LRP2: variants seen among roughly 807,000 people sequenced by gnomAD.
The protein encoded by LRP2 is LDL receptor related protein 2, also known as low-density lipoprotein receptor-related protein 2.
LRP2 carries 172 observed loss-of-function variants against 531.0 expected under a neutral mutation model. That is an observed-to-expected ratio of 0.32 (90% CI 0.29 to 0.37). The LOEUF (loss-of-function observed/expected upper bound fraction) is 0.37, where lower values mean the gene tolerates loss of function less well. Among genes scored for constraint, LRP2 ranks in the 10% least tolerant of loss-of-function variants. The probability of loss-of-function intolerance (pLI) is 1.00; values close to 1 mark genes in which losing one functional copy is unlikely to be tolerated. For missense variants in LRP2, 5,167 were observed against 5,868.3 expected, an observed-to-expected ratio of 0.88 and a Z score of 3.90; for synonymous variants, 1,992 against 2,027.6, an observed-to-expected ratio of 0.98 and a Z score of 0.47.
In LRP2 at chr2:169,183,077, G is replaced by A. The variant is rs113669018; in HGVS notation, c.9846-758C>T. Among the ~76,000 whole-genome samples, 882 of 152,298 alleles carry A rather than the reference G, an allele frequency of 5.8e-3. 7 individuals carry two copies. Among genetic ancestry groups the A allele is most frequent in the African/African-American group, 0.02 (843 of 41,574 alleles). The stretch of plus-strand genomic sequence containing the variant: ...CCAGGGCTTTCACCAGAGTCTTATA[G>A]CATCCATAACCTTCCAAAGGGTTAA... On this transcript the variant is annotated intron_variant, in intron 50 of 78. Transcript: ENST00000649046.
chr2:169,259,146 G>T lies in LRP2; in HGVS notation c.2392C>A (p.Leu798Ile). 6.2e-7 allele frequency: 1 copy of T among 1,613,316 alleles called. No homozygotes were observed. Among genetic ancestry groups the T allele is most frequent in the Non-Finnish European group, 8.5e-7 (1 of 1,179,532 alleles). Reference protein sequence around the residue: ...SLAFDWISKNLYWTDSHYKSI... With the variant: ...SLAFDWISKNIYWTDSHYKSI... ...TTGTAATGAGAGTCTGTCCAATAGAGATTCTTTGAAATCCAATCAAAAGCC... is the reference window on the plus strand; with the variant it reads ...TTGTAATGAGAGTCTGTCCAATAGATATTCTTTGAAATCCAATCAAAAGCC... The change falls in exon 17 of 79, where the codon CTC becomes ATC. Residue 798 changes from leucine to isoleucine, a missense_variant. Leu to Ile is a conservative substitution (Grantham distance 5). Transcript: ENST00000649046.
intron 12 of LRP2, among the ~76,000 whole-genome samples, chr2:169,278,362 T>C (rs1030211433): frequency 6.6e-6 from 1 of 151,962 alleles, no homozygotes; most frequent in African/African-American, 2.4e-5. Flanking sequence ...CACTTGCCCA[T>C]AGTCTCAGCT....
At chr2:169,283,354 G>T (rs1297529723) in intron 9 of LRP2, among the ~76,000 whole-genome samples, 1 of 152,142 alleles carries the variant, frequency 6.6e-6, no homozygotes, top group African/African-American at 2.4e-5. Flanking sequence ...CAACATGGCA[G>T]CCACTAACCC....
chr2:169,333,914 G>T (rs1450180727), intron 1 of LRP2, among the ~76,000 whole-genome samples: 1 of 152,158 alleles, frequency 6.6e-6, no homozygotes, highest in Non-Finnish European at 1.5e-5. Flanking sequence ...ATCACTTCAC[G>T]TTATAATGTG....
chr2:169,327,458 G>A (rs1255759951), intron 1 of LRP2, among the ~76,000 whole-genome samples: 4 of 121,718 alleles, frequency 3.3e-5, no homozygotes, highest in Non-Finnish European at 7.0e-5. Context: ...CACCCCGCCC[G>A]GCCAGCCGCC....
At chr2:169,313,296 A>C in intron 3 of LRP2, among the ~76,000 whole-genome samples, 1 of 152,150 alleles carries the variant, frequency 6.6e-6, no homozygotes, top group East Asian at 1.9e-4. Context: ...TCTGATTTTT[A>C]GAATTTTCAG....
At chr2:169,156,602 AG>A (rs1223014465) in intron 64 of LRP2, among the ~76,000 whole-genome samples, 197 bp from the exon 65 acceptor site, 4 of 152,212 alleles carry the variant, frequency 2.6e-5, no homozygotes, top group African/African-American at 9.6e-5. Context: ...TTCCTCGTTT[AG>A]TCTTGCCAAA....
chr2:169,166,511 T>TA (rs1686790250), intron 61 of LRP2, among the ~76,000 whole-genome samples: 1 of 152,208 alleles, frequency 6.6e-6, no homozygotes, highest in Non-Finnish European at 1.5e-5. Context: ...CTGGACAGAC[T>TA]GGCAGTACAT....
Position 169,209,586 on chromosome 2 carries a change from A to G in LRP2, c.6336T>C (p.Cys2112=), listed in dbSNP as rs2105337190. The change falls in exon 38 of 79, where the codon TGT becomes TGC. Residue 2112 remains cysteine, a synonymous_variant. Transcript: ENST00000649046. ...VDVSSGFIYW[C]DFSSSVASDN... ...CAGATGCCACTGAGCTGCTAAAATCACACCAATAAATAAAGCCAGAGGACA... is the reference window on the plus strand; with the variant it reads ...CAGATGCCACTGAGCTGCTAAAATCGCACCAATAAATAAAGCCAGAGGACA... 6.2e-7 allele frequency: 1 copy of G among 1,614,112 alleles called. No individual in the cohort carries two copies. Among genetic ancestry groups the G allele is most frequent in the Non-Finnish European group, 8.5e-7 (1 of 1,179,996 alleles).
chr2:169,332,800 T>A (rs1685301645), intron 1 of LRP2, among the ~76,000 whole-genome samples: 1 of 152,180 alleles, frequency 6.6e-6, no homozygotes, highest in African/African-American at 2.4e-5. Flanking sequence ...TGCTTCAACA[T>A]CAATAAGCAA....
At chr2:169,308,665 T>C (rs564235902) in intron 3 of LRP2, among the ~76,000 whole-genome samples, 1 of 152,330 alleles carries the variant, frequency 6.6e-6, no homozygotes, top group African/African-American at 2.4e-5. Context: ...CTATTGTGAA[T>C]AGTGCCACAA....
At position 169,231,800 on chromosome 2, in the gene LRP2, A is replaced by G. The variant is rs1449498059; in HGVS notation, c.5141T>C (p.Leu1714Pro). 6.2e-7 allele frequency: 1 copy of G among 1,614,126 alleles called. No individual in the cohort carries two copies. The highest frequency in any genetic ancestry group is 1.7e-5 in the Admixed American group (1 of 60,018). The change falls in exon 31 of 79, where the codon CTG (leucine) becomes CCG (proline). Residue 1714 changes from leucine to proline, a missense_variant. By Grantham distance (98) the Leu-to-Pro change is moderately conservative (BLOSUM62 -3). Around this residue, in one of 6 missense-constraint regions of LRP2, gnomAD observed 2,811 missense variants for 3,058.0 expected, o/e 0.92. Coordinates refer to ENST00000649046, the MANE Select transcript of LRP2 (RefSeq NM_004525.3). ...CAFSRCSHLC[L>P]LSSQGPHFYS... ...AAAATGAGGCCCCTGTGAGGAAAGC[A>G]GGCAGAGATGGCTGCAGCGGGAAAA...
At chr2:169,132,329 CTT>C (rs1251200793) in intron 77 of LRP2, among the ~76,000 whole-genome samples, 1 of 152,166 alleles carries the variant, frequency 6.6e-6, no homozygotes, top group Non-Finnish European at 1.5e-5. Flanking sequence ...ATTTGTTCTT[CTT>C]TGTGACATGT....
At chr2:169,157,606 G>A in intron 63 of LRP2, 104 bp from the exon 64 acceptor site, 1 of 1,284,298 alleles carries the variant, frequency 7.8e-7, no homozygotes, top group Non-Finnish European at 1.1e-6. Context: ...AGGACATCTT[G>A]AGATAACCCC....
intron 3 of LRP2, among the ~76,000 whole-genome samples, chr2:169,308,513 G>A (rs138652720): frequency 0.016 from 2,419 of 152,226 alleles, 16 homozygotes; most frequent in South Asian, 0.027. Flanking sequence ...CAGAATGATC[G>A]TTTCCAGCTT....
At chr2:169,183,386 A>G (rs868673064) in intron 50 of LRP2, among the ~76,000 whole-genome samples, 1 of 152,236 alleles carries the variant, frequency 6.6e-6, no homozygotes, top group Non-Finnish European at 1.5e-5. Flanking sequence ...GGATTCCATC[A>G]TGGTAGACAC....
intron 1 of LRP2, among the ~76,000 whole-genome samples, chr2:169,359,741 T>C (rs1419810361): frequency 1.3e-5 from 2 of 152,148 alleles, no homozygotes; most frequent in Non-Finnish European, 2.9e-5. Flanking sequence ...CAGCAGGTGG[T>C]ACGAGTTGCA....
rs2105450895 is a variant in LRP2, at chr2:169,280,414, G to A, written c.1277C>T (p.Ala426Val). ...GTGATAGTGGAAAGCCACACCCACG[G>A]CCACTCCACGATTCTGAGACTCCAC... ...ILVESQNRGV[A>V]VGVAFHYHLQ... The change falls in exon 11 of 79, where the codon GCC becomes GTC. Residue 426 changes from alanine to valine, a missense_variant. Ala to Val is a moderately conservative substitution (Grantham distance 64, BLOSUM62 0). Transcript: ENST00000649046. 2.5e-6 allele frequency: 4 copies of A among 1,614,080 alleles called. No individual in the cohort carries two copies. Among genetic ancestry groups the A allele is most frequent in the Middle Eastern group, 3.3e-4 (2 of 6,062 alleles).
intron 1 of LRP2, among the ~76,000 whole-genome samples, chr2:169,359,135 C>T (rs1480978036): frequency 1.3e-5 from 2 of 152,036 alleles, no homozygotes; most frequent in Non-Finnish European, 2.9e-5. Flanking sequence ...ATATGCTTTA[C>T]ACCATGCTAA....
Sources: gnomAD v4.1 joint callset for allele counts (sites outside exome capture counted in the v4.1 genomes callset) on GRCh38, gnomAD v4.1.1 for gene constraint, gnomAD v4.1.1 regional missense constraint, MANE v1.5 for transcripts, NCBI Gene and HGNC (gene_info 2026-07-23, HGNC 2026-07-21) for gene names.